The following SLC5A10 variants were observed in gnomAD, a reference collection of about 807,000 sequenced individuals.
SLC5A10 encodes the protein solute carrier family 5 member 10.
Under a neutral mutation model 68.9 loss-of-function variants are expected in SLC5A10, and 55 were observed. The observed-to-expected ratio is 0.80, with a 90% CI of 0.64 to 1.00. The LOEUF is 1.00. Ranked by LOEUF, SLC5A10 falls within the 50% of genes least tolerant of loss-of-function variation. SLC5A10 has a pLI of 0.00. For missense variants in SLC5A10, 732 were observed against 819.3 expected (o/e 0.89, Z 1.30); for synonymous variants, 344 against 344.8 (o/e 1.00, Z 0.02).
At chr17:18,957,983 G>A (rs1189017296) in intron 1 of SLC5A10, among the ~76,000 whole-genome samples, 1 of 152,138 alleles carries the variant, frequency 6.6e-6, no homozygotes, top group African/African-American at 2.4e-5. Context: ...CATACAATTC[G>A]TGGCCTTTTG....
intron 9 of SLC5A10, chr17:18,988,558 A>C: frequency 7.2e-7 from 1 of 1,380,290 alleles, no homozygotes; most frequent in Non-Finnish European, 9.7e-7. Flanking sequence ...CAGGCCCGGG[A>C]CCAGGAAGTG....
At chr17:18,987,309 TG>T (rs2043294994) in intron 9 of SLC5A10, among the ~76,000 whole-genome samples, 1 of 152,154 alleles carries the variant, frequency 6.6e-6, no homozygotes, top group African/African-American at 2.4e-5. Flanking sequence ...ATCTGCAAAA[TG>T]GGAACAACTC....
chr17:18,960,660 G>GC lies in SLC5A10; in HGVS notation c.453+13dup, dbSNP rs2042596586. ...GTCTTCACCAAGATATCGGTGAGCT[G>GC]CCCCCGGCTCCCTGCTGGCATAGCC... On this transcript the variant is annotated intron_variant, in intron 5 of 14. Transcript: ENST00000395645. 2 of 1,612,548 alleles carry GC rather than the reference G, an allele frequency of 1.2e-6. No individual in the cohort carries two copies. Among genetic ancestry groups the GC allele is most frequent in the South Asian group, 2.2e-5 (2 of 91,038 alleles).
chr17:18,988,138 G>C, intron 9 of SLC5A10: 1 of 1,474,566 alleles, frequency 6.8e-7, no homozygotes, highest in Non-Finnish European at 9.0e-7. Context: ...TGGACTCTGA[G>C]TGCCTGGCAC....
intron 9 of SLC5A10, among the ~76,000 whole-genome samples, chr17:18,991,723 G>C (rs2043430598): frequency 6.6e-6 from 1 of 152,216 alleles, no homozygotes; most frequent in Non-Finnish European, 1.5e-5. Flanking sequence ...AAAGCCGACG[G>C]GCAGCTCCCA....
chr17:19,013,366 T>G (rs745362302), intron 9 of SLC5A10, 44 bp from the exon 10 acceptor site: 1 of 1,601,180 alleles, frequency 6.2e-7, no homozygotes, highest in Non-Finnish European at 8.5e-7. Flanking sequence ...CCCCAGGTGC[T>G]CATGTCTATG....
At position 18,991,556 on chromosome 17, in the gene SLC5A10, A is replaced by C. The variant is rs531020080; in HGVS notation, c.982+14567A>C. On this transcript the variant is annotated intron_variant, in intron 9 of 14. Transcript: ENST00000395645. ...GACCAGCTCTACCTGCTGTTATGTCAGGGGCCACACTGGGCAGGAGGCGGG... is the reference window on the plus strand; with the variant it reads ...GACCAGCTCTACCTGCTGTTATGTCCGGGGCCACACTGGGCAGGAGGCGGG... Among the ~76,000 whole-genome samples, 6 of 152,270 alleles carry C rather than the reference A, an allele frequency of 3.9e-5. 1 individual carries two copies. In the South Asian group the frequency reaches 1.2e-3, roughly 32 times the overall value.
In SLC5A10 at chr17:19,006,403, CT is replaced by C. The variant is rs532718554; in HGVS notation, c.983-6991del. ...TAATTTTTTTTCTTTTTTCTTTTTT[CT>C]TTTTTTTTTTTTTTTGTAGAGACAA... On this transcript the variant is annotated intron_variant, in intron 9 of 14. Transcript: ENST00000395645. 9.9e-3 allele frequency among the ~76,000 whole-genome samples: 1,376 copies of C among 138,414 alleles called. 4 individuals carry two copies. The highest frequency in any genetic ancestry group is 0.042 in the Middle Eastern group (11 of 264). 90.8% of individuals were successfully genotyped at this position (138,414 alleles called of 152,430 possible).
chr17:18,992,461 C>T (rs923888805), intron 9 of SLC5A10, among the ~76,000 whole-genome samples: 1 of 152,226 alleles, frequency 6.6e-6, no homozygotes, highest in African/African-American at 2.4e-5. Context: ...GAGAACCCCA[C>T]CTGTGGCCAC....
chr17:19,020,076 C>T (rs1208511779), intron 13 of SLC5A10, 79 bp from the exon 14 acceptor site: 6 of 1,483,438 alleles, frequency 4.0e-6, no homozygotes, highest in East Asian at 4.8e-5. Context: ...TCTTGCCATC[C>T]CCAACCTTTG....
Position 19,021,689 on chromosome 17 carries a change from C to T in SLC5A10, c.*1258C>T, listed in dbSNP as rs1567819125. 1 of 399,462 alleles carries T rather than the reference C, an allele frequency of 2.5e-6. No individual in the cohort carries two copies. The highest frequency in any genetic ancestry group is 2.1e-5 in the African/African-American group (1 of 48,752). The allele number at this position is 399,462 out of a possible 1,614,324, so 24.7% of individuals were successfully genotyped here. A position where few individuals can be genotyped will look rare whatever the true frequency, so the allele number is the denominator to read the frequency against. Reference sequence around the variant, plus strand: ...CAAGAGGAGGTGGGCGGGGCCTCCACAGACTCCGCCCTGTGGTGTCACACA... The same window carrying T: ...CAAGAGGAGGTGGGCGGGGCCTCCATAGACTCCGCCCTGTGGTGTCACACA... On this transcript the variant is annotated 3_prime_UTR_variant, in exon 15 of 15. Coordinates refer to ENST00000395645, the MANE Select transcript of SLC5A10 (RefSeq NM_001042450.4). This position sits in a 1 kb window ranked among gnomAD's most constrained non-coding sequence, Gnocchi z 4.1.
intron 2 of SLC5A10, 31 bp from the exon 3 acceptor site, chr17:18,959,104 C>T (rs1376259068): frequency 6.3e-6 from 10 of 1,593,470 alleles, no homozygotes; most frequent in South Asian, 1.1e-5. Flanking sequence ...AGGGAGCCTG[C>T]TGCTGATGCG....
At chr17:18,989,959 G>A (rs73306485) in intron 9 of SLC5A10, among the ~76,000 whole-genome samples, 3,095 of 152,328 alleles carry the variant, frequency 0.02, 106 homozygotes, top group African/African-American at 0.07. Flanking sequence ...CCCCCAGAGC[G>A]GACAGCGGAG....
intron 1 of SLC5A10, among the ~76,000 whole-genome samples, chr17:18,957,753 C>T (rs571521841): frequency 3.3e-5 from 5 of 152,118 alleles, no homozygotes; most frequent in African/African-American, 7.2e-5. Flanking sequence ...CGTGAGCCAC[C>T]GCGCCAGCCC....
rs79796244 is a variant in SLC5A10, at chr17:18,984,907, C to T, written c.982+7918C>T. Among the ~76,000 whole-genome samples the T allele has an allele frequency of 3.3e-3, 504 of 152,354 alleles. 2 individuals are homozygous for T. The highest frequency in any genetic ancestry group is 0.01 in the Middle Eastern group (3 of 294). ...GGCCACTGGGGCCGGCCAGGGCAACCGGCTGAGGTGCTTAGGAATGGCTGG... is the reference window on the plus strand; with the variant it reads ...GGCCACTGGGGCCGGCCAGGGCAACTGGCTGAGGTGCTTAGGAATGGCTGG... On this transcript the variant is annotated intron_variant, in intron 9 of 14. Transcript: ENST00000395645.
chr17:18,998,279 C>T (rs2043618000), intron 9 of SLC5A10, among the ~76,000 whole-genome samples: 1 of 152,240 alleles, frequency 6.6e-6, no homozygotes, highest in African/African-American at 2.4e-5. Flanking sequence ...TCTATCACTG[C>T]GTCAAGACAA....
intron 3 of SLC5A10, 61 bp from the exon 4 acceptor site, chr17:18,959,543 G>A: frequency 6.4e-7 from 1 of 1,564,552 alleles, no homozygotes; most frequent in Non-Finnish European, 8.8e-7. Flanking sequence ...TGTCTGCTTT[G>A]TCTCTGGAGC....
intron 9 of SLC5A10, among the ~76,000 whole-genome samples, chr17:18,990,745 G>A (rs1489838939): frequency 6.6e-6 from 1 of 152,236 alleles, no homozygotes; most frequent in Non-Finnish European, 1.5e-5. Flanking sequence ...GGTGGTCAGA[G>A]ATGGGTTTGT....
chr17:19,002,107 C>T (rs1472858717), intron 9 of SLC5A10, among the ~76,000 whole-genome samples: 1 of 149,534 alleles, frequency 6.7e-6, no homozygotes, highest in Non-Finnish European at 1.5e-5. Flanking sequence ...ATGAAGGTCC[C>T]TTCCTCCTCC....
Sources: allele counts gnomAD v4.1 joint callset (sites outside exome capture counted in the v4.1 genomes callset), GRCh38; gene constraint gnomAD v4.1.1; non-coding constraint Gnocchi (gnomAD v3.1); transcripts MANE v1.5; gene names NCBI Gene and HGNC (gene_info 2026-07-23, HGNC 2026-07-21).